Variants in LARGE1 observed in about 807,000 individuals in gnomAD.
LARGE1 encodes LARGE xylosyl- and glucuronyltransferase 1.
A neutral mutation model predicts 87.6 loss-of-function variants in LARGE1; 43 were observed. The observed-to-expected ratio is 0.49, with a 90% CI of 0.38 to 0.63. LARGE1 has a LOEUF of 0.63. Ranked by LOEUF, LARGE1 falls within the 30% of genes least tolerant of loss-of-function variation. The pLI is 0.00. For synonymous variants in LARGE1, 434 were observed against 394.6 expected, an observed-to-expected ratio of 1.10 and a Z score of -1.18; for missense variants, 802 against 1,000.2, an observed-to-expected ratio of 0.80 and a Z score of 2.67.
intron 9 of LARGE1, among the ~76,000 whole-genome samples, chr22:33,342,157 G>A (rs1339853285): frequency 6.6e-6 from 1 of 152,172 alleles, no homozygotes; most frequent in African/African-American, 2.4e-5. Flanking sequence ...AATTGCATGT[G>A]GGCTGGTGTC....
downstream of LARGE1, among the ~76,000 whole-genome samples, chr22:33,272,048 C>T (rs768795599): frequency 1.3e-5 from 2 of 152,210 alleles, no homozygotes; most frequent in Non-Finnish European, 2.9e-5. Context: ...TGGTCACCAG[C>T]TACGCCCATA....
chr22:33,686,479 G>T (rs7289382), intron 2 of LARGE1, among the ~76,000 whole-genome samples: 19,243 of 148,944 alleles, frequency 0.13, 2,079 homozygotes, highest in African/African-American at 0.3. Context: ...GGAGGCAGAC[G>T]TTGCAGTGAG....
the LARGE1 span, among the ~76,000 whole-genome samples, chr22:33,091,556 T>A: frequency 1.4e-5 from 1 of 73,776 alleles, no homozygotes; most frequent in Non-Finnish European, 2.9e-5. Flanking sequence ...CAAGACTCCA[T>A]CTCAAATAAA....
intron 2 of LARGE1, among the ~76,000 whole-genome samples, chr22:33,758,940 G>A (rs536814289): frequency 2.5e-4 from 38 of 152,188 alleles, no homozygotes; most frequent in African/African-American, 8.4e-4. Context: ...TCCCATAACC[G>A]CAGTGACTGG....
chr22:33,257,040 T>C (rs1275491440), intron 11 of LARGE1, among the ~76,000 whole-genome samples: 2 of 152,120 alleles, frequency 1.3e-5, no homozygotes, highest in African/African-American at 4.8e-5. Flanking sequence ...AACGCATCTC[T>C]ACTAAAAATA....
At chr22:33,817,849 C>T (rs546949038) in intron 1 of LARGE1, among the ~76,000 whole-genome samples, 40 of 150,920 alleles carry the variant, frequency 2.7e-4, no homozygotes, top group African/African-American at 9.8e-4. Flanking sequence ...AGGGGGTCAG[C>T]GGTAAGGTAG....
intron 2 of LARGE1, among the ~76,000 whole-genome samples, chr22:33,656,516 C>G (rs1373989765): frequency 6.6e-6 from 1 of 152,180 alleles, no homozygotes; most frequent in East Asian, 1.9e-4. Context: ...CTCAAATTCT[C>G]TGCTGTTCTC....
At chr22:33,709,879 G>A (rs939734090) in intron 2 of LARGE1, among the ~76,000 whole-genome samples, 12 of 150,832 alleles carry the variant, frequency 8.0e-5, no homozygotes, top group Admixed American at 2.0e-4. Flanking sequence ...TGCCCGCCTC[G>A]GCCTCTCAAA....
intron 2 of LARGE1, among the ~76,000 whole-genome samples, chr22:33,691,166 G>A (rs544597594): frequency 6.6e-6 from 1 of 152,166 alleles, no homozygotes; most frequent in South Asian, 2.1e-4. Context: ...CCCCAGAATG[G>A]CTCTGGGCAA....
intron 5 of LARGE1, among the ~76,000 whole-genome samples, chr22:33,581,327 G>A (rs535648022): frequency 1.8e-3 from 270 of 152,244 alleles, no homozygotes; most frequent in African/African-American, 6.2e-3. Context: ...GAAGCATCAC[G>A]TACTGTTCTC....
intron 6 of LARGE1, among the ~76,000 whole-genome samples, chr22:33,483,564 G>C (rs1298045414): frequency 6.6e-6 from 1 of 152,154 alleles, no homozygotes; most frequent in Non-Finnish European, 1.5e-5. Flanking sequence ...GCAGCTCTAG[G>C]CATTTAAGGA....
intron 4 of LARGE1, among the ~76,000 whole-genome samples, chr22:33,605,215 G>C (rs1395623545): frequency 6.6e-6 from 1 of 152,008 alleles, no homozygotes; most frequent in African/African-American, 2.4e-5. Flanking sequence ...GACCAAAGTG[G>C]ATTCTGTGCC....
At chr22:33,843,198 G>A (rs999290293) in intron 1 of LARGE1, among the ~76,000 whole-genome samples, 1 of 152,074 alleles carries the variant, frequency 6.6e-6, no homozygotes, top group Non-Finnish European at 1.5e-5. Flanking sequence ...CTGTGCGTGT[G>A]AACATCTTTG....
intron 2 of LARGE1, among the ~76,000 whole-genome samples, chr22:33,711,792 G>A (rs1268403788): frequency 2.6e-5 from 4 of 152,102 alleles, no homozygotes; most frequent in Admixed American, 6.6e-5. Flanking sequence ...GACTACAAGT[G>A]AGCACCACTA....
At chr22:33,830,147 G>A (rs1410290650) in intron 1 of LARGE1, among the ~76,000 whole-genome samples, 1 of 152,128 alleles carries the variant, frequency 6.6e-6, no homozygotes, top group Non-Finnish European at 1.5e-5. Flanking sequence ...AACCGTGTGT[G>A]CTCCCACCGT....
chr22:33,503,281 G>C (rs1427549605), intron 6 of LARGE1, among the ~76,000 whole-genome samples: 1 of 148,148 alleles, frequency 6.8e-6, no homozygotes, highest in East Asian at 2.0e-4. Flanking sequence ...GTTTGAGATG[G>C]AGTCTTGCTC....
chr22:33,273,300 G>T lies in LARGE1; in HGVS notation c.*1127C>A. On this transcript the variant is annotated 3_prime_UTR_variant, in exon 15 of 15. Coordinates refer to ENST00000397394, the MANE Select transcript of LARGE1 (RefSeq NM_133642.5). ...TGCCTACCCTTGGACAGGTCCCAAA[G>T]GGAGACTGAGGTTGTCACCTCTTCC... is the stretch of plus-strand genomic sequence containing the variant. 2.5e-6 allele frequency: 1 copy of T among 398,194 alleles called. No homozygotes were observed. Among genetic ancestry groups the T allele is most frequent in the South Asian group, 1.4e-4 (1 of 7,068 alleles). 24.7% of individuals were successfully genotyped at this position (398,194 alleles called of 1,614,324 possible). A position where few individuals can be genotyped will look rare whatever the true frequency, so the allele number is the denominator to read the frequency against.
the LARGE1 span, among the ~76,000 whole-genome samples, chr22:33,139,799 C>T: frequency 6.6e-6 from 1 of 152,194 alleles, no homozygotes; most frequent in African/African-American, 2.4e-5. Flanking sequence ...TGACTTTCCC[C>T]ATGCTCTTTT....
At chr22:33,798,835 C>T (rs913005959) in intron 1 of LARGE1, among the ~76,000 whole-genome samples, 3 of 152,180 alleles carry the variant, frequency 2.0e-5, no homozygotes, top group African/African-American at 7.2e-5. Flanking sequence ...GAGGAATCCT[C>T]CAGGAGGGCT....
Sources: gnomAD v4.1 joint callset for allele counts (sites outside exome capture counted in the v4.1 genomes callset) on GRCh38, gnomAD v4.1.1 for gene constraint, MANE v1.5 for transcripts, NCBI Gene and HGNC (gene_info 2026-07-23, HGNC 2026-07-21) for gene names.